Variants in ACO1 observed in about 807,000 individuals in gnomAD.
The protein encoded by ACO1 is aconitase 1.
Under a neutral mutation model 105.1 loss-of-function variants are expected in ACO1, and 78 were observed. The ratio of observed to expected loss-of-function variants is 0.74; its 90% confidence interval spans 0.62 to 0.90. The LOEUF is 0.90. ACO1 is among the 40% of genes least tolerant of loss of function. ACO1 has a pLI of 0.00. For missense variants in ACO1, 965 were observed against 1,111.1 expected (o/e 0.87, Z 1.87); for synonymous variants, 364 against 397.4 (o/e 0.92, Z 1.00).
chr9:32,416,340 G>T (rs962955749), intron 4 of ACO1, among the ~76,000 whole-genome samples: 1 of 152,014 alleles, frequency 6.6e-6, no homozygotes, highest in African/African-American at 2.4e-5. Flanking sequence ...TGATCTGCCC[G>T]CCTCAGCCTC....
chr9:32,390,590 T>A (rs1349446914), intron 1 of ACO1, among the ~76,000 whole-genome samples: 1 of 152,238 alleles, frequency 6.6e-6, no homozygotes, highest in Non-Finnish European at 1.5e-5. Context: ...AAATACATGC[T>A]AAAATAATTT....
At chr9:32,414,653 C>G (rs1199685429) in intron 4 of ACO1, among the ~76,000 whole-genome samples, 2 of 152,140 alleles carry the variant, frequency 1.3e-5, no homozygotes, top group African/African-American at 4.8e-5. Context: ...GTGAGAAGCT[C>G]TGCCATCCTC....
chr9:32,440,813 G>A (rs1015181040), intron 19 of ACO1, among the ~76,000 whole-genome samples: 2 of 152,194 alleles, frequency 1.3e-5, no homozygotes, highest in Non-Finnish European at 2.9e-5. Flanking sequence ...AATGGACCTT[G>A]GGGGCATGTC....
intron 12 of ACO1, among the ~76,000 whole-genome samples, chr9:32,428,692 AAATTAG>A (rs895189007): frequency 3.3e-5 from 5 of 151,978 alleles, no homozygotes; most frequent in Non-Finnish European, 7.4e-5. Context: ...CAAAAAAACA[AAATTAG>A]CCGGGCGTGG....
chr9:32,419,919 G>A (rs897811501), intron 7 of ACO1, among the ~76,000 whole-genome samples: 3 of 152,180 alleles, frequency 2.0e-5, no homozygotes, highest in Non-Finnish European at 4.4e-5. Context: ...TTTATAGTTT[G>A]GAGGCTGGGG....
intron 19 of ACO1, among the ~76,000 whole-genome samples, chr9:32,448,133 C>T (rs543704987): frequency 2.0e-5 from 3 of 152,258 alleles, no homozygotes; most frequent in South Asian, 4.1e-4. Flanking sequence ...TGTGCTGAAG[C>T]TGCACCTACA....
intron 1 of ACO1, among the ~76,000 whole-genome samples, chr9:32,399,069 G>A (rs1288644838): frequency 6.6e-6 from 1 of 152,150 alleles, no homozygotes; most frequent in East Asian, 1.9e-4. Context: ...ACCCAAGCAT[G>A]GGGTCAAATT....
At chr9:32,418,231 T>G (rs1415369588) in intron 5 of ACO1, 34 bp downstream of exon 5, 1 of 1,613,578 alleles carries the variant, frequency 6.2e-7, no homozygotes, top group African/African-American at 1.3e-5. Context: ...TGTTTGGTTT[T>G]CTTTGTAGGC....
chr9:32,395,840 T>C (rs1189910007), intron 1 of ACO1, among the ~76,000 whole-genome samples: 4 of 152,242 alleles, frequency 2.6e-5, no homozygotes, highest in Non-Finnish European at 4.4e-5. Flanking sequence ...AAAGTAAAAG[T>C]GAATATTTCT....
chr9:32,436,838 C>T (rs1186097980), intron 18 of ACO1, among the ~76,000 whole-genome samples: 1 of 152,168 alleles, frequency 6.6e-6, no homozygotes, highest in Non-Finnish European at 1.5e-5. Flanking sequence ...TATGTTGCAG[C>T]AGGGACTGTT....
intron 19 of ACO1, among the ~76,000 whole-genome samples, chr9:32,444,826 G>C (rs557035004): frequency 6.6e-6 from 1 of 152,206 alleles, no homozygotes; most frequent in African/African-American, 2.4e-5. Flanking sequence ...TAACATGAAG[G>C]GCTGTTGAAT....
chr9:32,448,928 G>A lies in ACO1; in HGVS notation c.2403G>A (p.Glu801=), dbSNP rs1822687288. 1.2e-6 allele frequency: 2 copies of A among 1,614,118 alleles called. No individual in the cohort carries two copies. The highest frequency in any genetic ancestry group is 1.7e-6 in the Non-Finnish European group (2 of 1,180,056). ...AAGCCGTCCTGGCCGAGAGCTACGA[G>A]CGCATTCACCGCAGTAACCTGGTTG... ...GIKAVLAESY[E]RIHRSNLVGM... Residue 801 remains glutamate (E), a synonymous_variant, in exon 20 of 21, where the codon GAG becomes GAA. Transcript: ENST00000309951.
intron 1 of ACO1, among the ~76,000 whole-genome samples, chr9:32,401,846 C>T (rs1361782075): frequency 1.1e-4 from 16 of 152,190 alleles, no homozygotes; most frequent in Admixed American, 8.5e-4. Flanking sequence ...TGTCCATGCC[C>T]ACCCCCGTTC....
intron 15 of ACO1, among the ~76,000 whole-genome samples, chr9:32,432,328 G>A (rs1822257375): frequency 6.6e-6 from 1 of 152,202 alleles, no homozygotes; most frequent in Non-Finnish European, 1.5e-5. Context: ...AGGAGGAAAT[G>A]TGTGGGGCTC....
Position 32,411,129 on chromosome 9 carries a change from C to G in ACO1, c.404+2478C>G, listed in dbSNP as rs562793775. ...GATCAAAGCAAATCACATGGTTGAGCCCAAAGCTGGAATGGGGAAATACAG... is the reference window on the plus strand; with the variant it reads ...GATCAAAGCAAATCACATGGTTGAGGCCAAAGCTGGAATGGGGAAATACAG... On this transcript the variant is annotated intron_variant, in intron 4 of 20. Coordinates refer to ENST00000309951, the MANE Select transcript of ACO1 (RefSeq NM_002197.3). Among the ~76,000 whole-genome samples the G allele has an allele frequency of 1.3e-4, 20 of 152,198 alleles. 2 individuals carry two copies. Among genetic ancestry groups the G allele is most frequent in the African/African-American group, 4.6e-4 (19 of 41,534 alleles).
chr9:32,410,009 G>A (rs1043474475), intron 4 of ACO1, among the ~76,000 whole-genome samples: 7 of 152,304 alleles, frequency 4.6e-5, no homozygotes, highest in Admixed American at 4.6e-4. Flanking sequence ...ACTAAGTTTT[G>A]TGAGGTTAGG....
chr9:32,448,199 T>C (rs1463844092), intron 19 of ACO1, among the ~76,000 whole-genome samples: 1 of 152,150 alleles, frequency 6.6e-6, no homozygotes, highest in East Asian at 1.9e-4. Flanking sequence ...TATCTATAAG[T>C]ACCTGACTGG....
intron 1 of ACO1, among the ~76,000 whole-genome samples, chr9:32,401,845 C>T (rs750894699): frequency 4.6e-5 from 7 of 152,106 alleles, no homozygotes; most frequent in Non-Finnish European, 8.8e-5. Flanking sequence ...CTGTCCATGC[C>T]CACCCCCGTT....
rs780175690 is a variant in ACO1 at position 32,407,401 on chromosome 9, C to T, written c.238C>T (p.Pro80Ser). The T allele has an allele frequency of 1.2e-6, 2 of 1,614,050 alleles. No homozygotes were observed. The highest frequency in any genetic ancestry group is 1.7e-6 in the Non-Finnish European group (2 of 1,179,934). Residue 80 changes from proline to serine, a missense_variant, in exon 3 of 21, where the codon CCT (proline) becomes TCT (serine). By Grantham distance (74) the Pro-to-Ser change is moderately conservative. Coordinates refer to ENST00000309951, the MANE Select transcript of ACO1 (RefSeq NM_002197.3). ...QHKNIEVPFK[P>S]ARVILQDFTG... is the part of the protein sequence containing the mutation. The stretch of plus-strand genomic sequence containing the variant: ...CAAGAACATAGAAGTGCCATTTAAG[C>T]CTGCTCGTGTCATCCTGCAGGACTT...
Sources: gnomAD v4.1 joint callset for allele counts (sites outside exome capture counted in the v4.1 genomes callset) on GRCh38, gnomAD v4.1.1 for gene constraint, MANE v1.5 for transcripts, NCBI Gene and HGNC (gene_info 2026-07-23, HGNC 2026-07-21) for gene names.